The following HOPX variants were observed in gnomAD, a reference collection of about 807,000 sequenced individuals.
HOPX encodes the protein HOP homeobox, also known as homeodomain-only protein.
Under a neutral mutation model 11.8 loss-of-function variants are expected in HOPX, and 5 were observed. The ratio of observed to expected loss-of-function variants is 0.43; its 90% CI spans 0.22 to 0.89. The LOEUF is 0.89. Ranked by LOEUF, HOPX falls within the 40% of genes least tolerant of loss-of-function variation. HOPX has a pLI of 0.28. For synonymous variants in HOPX, 49 were observed against 49.7 expected (o/e 0.99, Z 0.06); for missense variants, 119 against 120.0 (o/e 0.99, Z 0.04).
chr4:56,650,959 A>G, intron 3 of HOPX: 1 of 705,826 alleles, frequency 1.4e-6, no homozygotes, highest in Non-Finnish European at 2.2e-6. Context: ...TTCCAGTTTC[A>G]TTAATGAGGT....
chr4:56,661,528 C>A (rs1718137700), intron 1 of HOPX, among the ~76,000 whole-genome samples: 2 of 152,158 alleles, frequency 1.3e-5, no homozygotes, highest in Admixed American at 6.5e-5. Flanking sequence ...ATAACGTCAA[C>A]TTGTATTTTA....
intron 1 of HOPX, chr4:56,664,227 T>A (rs1009767238): frequency 6.6e-6 from 1 of 151,632 alleles, no homozygotes; most frequent in African/African-American, 2.4e-5. Flanking sequence ...ACCTCCCAGG[T>A]TCAAGCAATT....
At chr4:56,652,527 G>A (rs1184668272) in intron 3 of HOPX, among the ~76,000 whole-genome samples, 4 of 152,122 alleles carry the variant, frequency 2.6e-5, no homozygotes, top group Non-Finnish European at 5.9e-5. Flanking sequence ...GATAGGGGAG[G>A]CTGGCTGCGA....
chr4:56,668,011 G>A (rs569630516), intron 1 of HOPX, among the ~76,000 whole-genome samples: 16 of 152,120 alleles, frequency 1.1e-4, no homozygotes, highest in South Asian at 4.2e-4. Flanking sequence ...TGCAACCTCC[G>A]CCTCCCAGTT....
intron 3 of HOPX, chr4:56,650,857 G>A (rs749257394): frequency 6.7e-6 from 10 of 1,501,714 alleles, no homozygotes; most frequent in South Asian, 2.7e-5. Flanking sequence ...AGCTTCAATC[G>A]AAATTCTACT....
intron 1 of HOPX, chr4:56,680,972 G>A (rs1257869312): frequency 6.3e-6 from 6 of 948,186 alleles, no homozygotes; most frequent in African/African-American, 1.8e-5. Flanking sequence ...AAATAGAAGC[G>A]AGTAAGAAAA....
rs568788192 is a variant in HOPX, at chr4:56,679,096, G to A, written c.-84+2159C>T. 3.3e-5 allele frequency: 5 copies of A among 152,234 alleles called. No homozygotes were observed. The East Asian group carries it at 5.8e-4, about 18-fold the overall frequency. 9.4% of individuals were successfully genotyped at this position (152,234 alleles called of 1,614,324 possible). On this transcript the variant is annotated intron_variant, in intron 1 of 3. Coordinates refer to ENST00000420433, the MANE Select transcript of HOPX (RefSeq NM_032495.6). ...AACATAGCAAAACCCCATCTCTACA[G>A]CTGGGTGTGGTGGCACAAGTCTGTG...
At chr4:56,661,906 TTGTC>T (rs1270593474) in intron 1 of HOPX, among the ~76,000 whole-genome samples, 3 of 152,212 alleles carry the variant, frequency 2.0e-5, no homozygotes, top group Non-Finnish European at 1.5e-5. Context: ...CTAAGACCCT[TTGTC>T]TGTATCATGC....
At chr4:56,661,949 G>C (rs1177948633) in intron 1 of HOPX, among the ~76,000 whole-genome samples, 1 of 152,134 alleles carries the variant, frequency 6.6e-6, no homozygotes, top group Non-Finnish European at 1.5e-5. Context: ...CTCCTCTACA[G>C]AACTCCTGGG....
chr4:56,649,552 A>C (rs1716950526), intron 3 of HOPX: 1 of 152,264 alleles, frequency 6.6e-6, no homozygotes, highest in South Asian at 2.1e-4. Flanking sequence ...GCCACTGAGC[A>C]GTGAGAGAAG....
intron 2 of HOPX, among the ~76,000 whole-genome samples, chr4:56,656,967 C>G (rs1208909724): frequency 6.6e-6 from 1 of 152,158 alleles, no homozygotes; most frequent in Non-Finnish European, 1.5e-5. Flanking sequence ...TTTCAGACTT[C>G]CCTGTGATTG....
intron 1 of HOPX, chr4:56,662,484 C>A (rs201492923): frequency 1.1e-5 from 1 of 93,212 alleles, no homozygotes; most frequent in Non-Finnish European, 2.3e-5. Context: ...TTTCTTTCTT[C>A]TTTTTTTTTT....
At chr4:56,678,444 T>A (rs1339630457) in intron 1 of HOPX, among the ~76,000 whole-genome samples, 1 of 65,718 alleles carries the variant, frequency 1.5e-5, no homozygotes, top group Non-Finnish European at 3.4e-5. Context: ...ACTGATTTTT[T>A]TTTTTTTTTT....
intron 1 of HOPX, among the ~76,000 whole-genome samples, chr4:56,678,262 T>G (rs975620505): frequency 6.6e-6 from 1 of 151,314 alleles, no homozygotes; most frequent in Admixed American, 6.6e-5. Flanking sequence ...CATGGGGCCA[T>G]CCCCATCCTC....
chr4:56,667,242 A>C (rs1478343888), intron 1 of HOPX, among the ~76,000 whole-genome samples: 10 of 152,256 alleles, frequency 6.6e-5, no homozygotes, highest in Non-Finnish European at 2.9e-5. Context: ...GGTTCTCTTT[A>C]GAAAACACTG....
intron 1 of HOPX, chr4:56,680,084 C>T (rs1719248730): frequency 6.6e-6 from 1 of 152,066 alleles, no homozygotes; most frequent in Non-Finnish European, 1.5e-5. Flanking sequence ...AACTCGCCAC[C>T]ACTTCTGGAG....
At chr4:56,678,854 T>C (rs908474343) in intron 1 of HOPX, 2 of 152,194 alleles carry the variant, frequency 1.3e-5, no homozygotes, top group Admixed American at 6.5e-5. Flanking sequence ...TGATCCTTAC[T>C]GTCTGGTCTC....
chr4:56,655,823 G>A (rs769337279), intron 3 of HOPX, 34 bp downstream of exon 3: 9 of 1,601,400 alleles, frequency 5.6e-6, no homozygotes, highest in Non-Finnish European at 7.7e-6. Flanking sequence ...CCCAGGCAGG[G>A]GTCGGGGCGC....
At chr4:56,669,955 G>C (rs1475912336) in intron 1 of HOPX, among the ~76,000 whole-genome samples, 1 of 152,126 alleles carries the variant, frequency 6.6e-6, no homozygotes, top group African/African-American at 2.4e-5. Flanking sequence ...AAAATGCATA[G>C]TGTTGCAGCT....
Sources: allele counts gnomAD v4.1 joint callset (sites outside exome capture counted in the v4.1 genomes callset), GRCh38; gene constraint gnomAD v4.1.1; transcripts MANE v1.5; gene names NCBI Gene and HGNC (gene_info 2026-07-23, HGNC 2026-07-21).